Variants in PGCKA1 observed in about 807,000 individuals in gnomAD.
The protein encoded by PGCKA1 is PDCD10 and GCKIII kinases-associated protein 1.
chr4:37,585,659 G>A, the PGCKA1 span, among the ~76,000 whole-genome samples: 1 of 150,970 alleles, frequency 6.6e-6, no homozygotes, highest in Non-Finnish European at 1.5e-5. Flanking sequence ...GGGAGGAGGT[G>A]CACGTGCTTC....
At chr4:37,532,420 A>G in the PGCKA1 span, among the ~76,000 whole-genome samples, 1 of 152,270 alleles carries the variant, frequency 6.6e-6, no homozygotes, top group African/African-American at 2.4e-5. Flanking sequence ...CCTGCTCATC[A>G]GTTGAAACTA....
chr4:37,481,464 C>CAAAA, the PGCKA1 span, among the ~76,000 whole-genome samples: 160 of 61,376 alleles, frequency 2.6e-3, 17 homozygotes, highest in East Asian at 6.1e-3. Flanking sequence ...GACCTGTCTC[C>CAAAA]AAAAAAAAAA....
the PGCKA1 span, among the ~76,000 whole-genome samples, chr4:37,572,054 TTTTTTTTTC>T: frequency 2.0e-5 from 2 of 102,136 alleles, no homozygotes; most frequent in East Asian, 2.3e-4. Flanking sequence ...ACACCTTTTT[TTTTTTTTTC>T]TTTTTTTTTT....
At chr4:37,507,243 A>G in the PGCKA1 span, among the ~76,000 whole-genome samples, 2 of 152,198 alleles carry the variant, frequency 1.3e-5, no homozygotes, top group Admixed American at 1.3e-4. Context: ...CAGCCAATCA[A>G]TGTCTTTTGA....
the PGCKA1 span, among the ~76,000 whole-genome samples, chr4:37,484,432 C>T: frequency 6.6e-6 from 1 of 152,140 alleles, no homozygotes; most frequent in Non-Finnish European, 1.5e-5. Context: ...CCACGGGGTT[C>T]CTCCCACAAC....
At chr4:37,467,166 T>G in the PGCKA1 span, among the ~76,000 whole-genome samples, 4 of 152,204 alleles carry the variant, frequency 2.6e-5, no homozygotes, top group Non-Finnish European at 4.4e-5. Flanking sequence ...GATGTATGTG[T>G]AATGACATGA....
the PGCKA1 span, among the ~76,000 whole-genome samples, chr4:37,504,250 T>A: frequency 6.6e-5 from 10 of 152,238 alleles, no homozygotes; most frequent in Non-Finnish European, 1.2e-4. Context: ...GGTGTATGGA[T>A]TTATTTCTGG....
At chr4:37,544,843 T>C in the PGCKA1 span, among the ~76,000 whole-genome samples, 42 of 152,028 alleles carry the variant, frequency 2.8e-4, no homozygotes, top group African/African-American at 9.6e-4. Flanking sequence ...TTTTTTGTTT[T>C]TTTTTCTGTT....
chr4:37,519,746 C>A, the PGCKA1 span, among the ~76,000 whole-genome samples: 5 of 152,132 alleles, frequency 3.3e-5, no homozygotes, highest in East Asian at 3.8e-4. Context: ...AATTTGGATG[C>A]CCTTTATATC....
the PGCKA1 span, among the ~76,000 whole-genome samples, chr4:37,530,824 C>CA: frequency 6.6e-6 from 1 of 151,728 alleles, no homozygotes; most frequent in East Asian, 2.0e-4. Flanking sequence ...ACTAAAAATA[C>CA]AAAAAATTAG....
At chr4:37,580,074 T>C in the PGCKA1 span, among the ~76,000 whole-genome samples, 1 of 152,190 alleles carries the variant, frequency 6.6e-6, no homozygotes, top group Non-Finnish European at 1.5e-5. Context: ...TCTGATGCAT[T>C]CTTCAGTATG....
At chr4:37,491,246 G>A in the PGCKA1 span, among the ~76,000 whole-genome samples, 1 of 152,036 alleles carries the variant, frequency 6.6e-6, no homozygotes, top group Non-Finnish European at 1.5e-5. Context: ...TTGACTTTCC[G>A]CTATGGAAGA....
chr4:37,590,422 T>C, the PGCKA1 span: 1,674 of 1,613,180 alleles, frequency 1.0e-3, 3 homozygotes, highest in Non-Finnish European at 1.3e-3. Flanking sequence ...CAGGGGCTCC[T>C]GGGCCAGTAC....
chr4:37,551,326 T>C, the PGCKA1 span, among the ~76,000 whole-genome samples: 39 of 152,232 alleles, frequency 2.6e-4, no homozygotes, highest in Non-Finnish European at 1.6e-4. Context: ...AAAAAGATGA[T>C]AAATGGCCCC....
the PGCKA1 span, among the ~76,000 whole-genome samples, chr4:37,469,136 GGT>G: frequency 6.6e-6 from 1 of 152,150 alleles, no homozygotes; most frequent in African/African-American, 2.4e-5. Context: ...AGGAGCAACA[GGT>G]TGTACCATCT....
chr4:37,542,516 A>G, the PGCKA1 span, among the ~76,000 whole-genome samples: 1 of 152,174 alleles, frequency 6.6e-6, no homozygotes. Context: ...GCTGTAAAAA[A>G]CGCCATTTAA....
chr4:37,565,735 G>A, the PGCKA1 span, among the ~76,000 whole-genome samples: 3 of 152,168 alleles, frequency 2.0e-5, no homozygotes, highest in Non-Finnish European at 4.4e-5. Context: ...TAACTGTGAT[G>A]GTTAATATTG....
the PGCKA1 span, among the ~76,000 whole-genome samples, chr4:37,457,322 G>T: frequency 6.6e-6 from 1 of 152,116 alleles, no homozygotes; most frequent in Non-Finnish European, 1.5e-5. Flanking sequence ...ATTGTTTTCA[G>T]TTGACCACAA....
At chr4:37,492,932 C>T in the PGCKA1 span, among the ~76,000 whole-genome samples, 2 of 152,182 alleles carry the variant, frequency 1.3e-5, no homozygotes, top group Non-Finnish European at 2.9e-5. This position sits in a 1 kb window ranked among gnomAD's most constrained non-coding sequence, Gnocchi z 4.7. Flanking sequence ...TCAGCTTTCT[C>T]AGGTCCACTG....
Sources: gnomAD v4.1 joint callset for allele counts (sites outside exome capture counted in the v4.1 genomes callset) on GRCh38, gnomAD v4.1.1 for gene constraint, Gnocchi (gnomAD v3.1) non-coding constraint, MANE v1.5 for transcripts, NCBI Gene and HGNC (gene_info 2026-07-23, HGNC 2026-07-21) for gene names.